Variants in SH3BP4 observed in about 807,000 individuals in gnomAD.
SH3BP4 encodes the protein SH3 domain-binding protein 4.
A neutral mutation model predicts 65.5 loss-of-function variants in SH3BP4; 33 were observed. The observed-to-expected ratio is 0.50, with a 90% CI of 0.38 to 0.67. The LOEUF (loss-of-function observed/expected upper bound fraction) is 0.67, where lower values mean the gene tolerates loss of function less well. SH3BP4 is among the 30% of genes least tolerant of loss of function. The probability of loss-of-function intolerance (pLI) is 0.00; values close to 1 mark genes in which losing one functional copy is unlikely to be tolerated. For synonymous variants in SH3BP4, 552 were observed against 545.5 expected (o/e 1.01, Z -0.17); for missense variants, 1,134 against 1,261.4 (o/e 0.90, Z 1.53).
chr2:235,019,008 A>G (rs1694769182), intron 2 of SH3BP4, among the ~76,000 whole-genome samples: 3 of 152,228 alleles, frequency 2.0e-5, no homozygotes, highest in Admixed American at 2.0e-4. Flanking sequence ...GTTCTGGAGC[A>G]GTGCTTGCCT....
At position 234,997,765 on chromosome 2, in the gene SH3BP4, C is replaced by T. The variant is rs911293098; in HGVS notation, c.-133+2389C>T. Among the ~76,000 whole-genome samples the T allele has an allele frequency of 4.6e-5, 7 of 152,178 alleles. No individual in the cohort carries two copies. The highest frequency in any genetic ancestry group is 7.3e-5 in the Non-Finnish European group (5 of 68,032). On this transcript the variant is annotated intron_variant, in intron 2 of 5. Coordinates refer to ENST00000392011, the MANE Select transcript of SH3BP4 (RefSeq NM_014521.3). The surrounding 1 kb of genome is among the most constrained non-coding windows in gnomAD (Gnocchi z 4.2). ...CCCTGCCTGTTTCACAGATGAGAAA[C>T]TCATCTCAGAGTACTCAGAAACCCA...
intron 4 of SH3BP4, among the ~76,000 whole-genome samples, chr2:235,048,177 T>C (rs1374830113): frequency 1.3e-5 from 2 of 152,012 alleles, no homozygotes; most frequent in Non-Finnish European, 2.9e-5. Flanking sequence ...TGGCTGTTAA[T>C]GTGGGAGAGG....
chr2:234,969,247 G>A (rs1027565845), intron 1 of SH3BP4, among the ~76,000 whole-genome samples: 1 of 152,198 alleles, frequency 6.6e-6, no homozygotes, highest in Non-Finnish European at 1.5e-5. Flanking sequence ...GCAGAATTTT[G>A]TGGGTGGTTT....
At chr2:235,020,751 A>G (rs1208734354) in intron 2 of SH3BP4, among the ~76,000 whole-genome samples, 6 of 152,158 alleles carry the variant, frequency 3.9e-5, no homozygotes, top group Non-Finnish European at 8.8e-5. Flanking sequence ...TCAACCCTAG[A>G]AGAAGTGCTT....
intron 1 of SH3BP4, among the ~76,000 whole-genome samples, chr2:234,988,235 AT>A (rs1320110084): frequency 1.3e-5 from 2 of 151,828 alleles, no homozygotes; most frequent in East Asian, 1.9e-4. Flanking sequence ...AATTTTTTGT[AT>A]TTTTAGTAGA....
chr2:235,038,227 A>G (rs1695450240), intron 3 of SH3BP4, among the ~76,000 whole-genome samples: 1 of 97,116 alleles, frequency 1.0e-5, no homozygotes, highest in African/African-American at 4.4e-5. Context: ...TATATAAAGG[A>G]TATATGTATT....
At chr2:234,956,264 C>T (rs758672274) in intron 1 of SH3BP4, among the ~76,000 whole-genome samples, 23 of 152,092 alleles carry the variant, frequency 1.5e-4, no homozygotes, top group Non-Finnish European at 3.2e-4. Flanking sequence ...TTTCCTTGTC[C>T]CGTGAAAAGA....
chr2:234,983,501 G>T (rs1693454772), intron 1 of SH3BP4, among the ~76,000 whole-genome samples: 1 of 152,224 alleles, frequency 6.6e-6, no homozygotes, highest in African/African-American at 2.4e-5. Flanking sequence ...TGGTGTGCTT[G>T]TGTTTTTGAT....
chr2:235,012,079 A>G (rs1255520531), intron 2 of SH3BP4, among the ~76,000 whole-genome samples: 1 of 152,226 alleles, frequency 6.6e-6, no homozygotes, highest in Non-Finnish European at 1.5e-5. Flanking sequence ...GTGTGGATGC[A>G]GGGAGCAGCT....
At chr2:235,016,742 T>G (rs1251443246) in intron 2 of SH3BP4, among the ~76,000 whole-genome samples, 1 of 152,176 alleles carries the variant, frequency 6.6e-6, no homozygotes, top group Non-Finnish European at 1.5e-5. Context: ...ATCTTCTGAC[T>G]TCATGATCCA....
At chr2:235,024,376 T>C (rs919372152) in intron 2 of SH3BP4, among the ~76,000 whole-genome samples, 39 of 152,318 alleles carry the variant, frequency 2.6e-4, no homozygotes, top group African/African-American at 9.1e-4. Flanking sequence ...GCAGATCCAC[T>C]GGGTGGGCTT....
rs886827246 is a variant in SH3BP4 at position 234,952,058 on chromosome 2, ACCG to A, written c.-303_-301del. On this transcript the variant is annotated 5_prime_UTR_variant, in exon 1 of 6. Transcript: ENST00000392011. The surrounding 1 kb of genome is among the most constrained non-coding windows in gnomAD (Gnocchi z 6.5). ...TCGGCGGTCCGGGCCCCTCGCCACT[ACCG>A]CCGCCGCCGCCGCCGTGAGTCCCGC... The A allele has an allele frequency of 6.3e-5, 9 of 142,402 alleles. No homozygotes were observed. The highest frequency in any genetic ancestry group is 2.1e-4 in the Admixed American group (3 of 14,522). The allele number at this position is 142,402 out of a possible 1,614,324, so 8.8% of individuals were successfully genotyped here.
chr2:235,011,086 T>C (rs111717399), intron 2 of SH3BP4, among the ~76,000 whole-genome samples: 47 of 37,572 alleles, frequency 1.3e-3, no homozygotes, highest in Middle Eastern at 0.033. Flanking sequence ...TCCTCCCTCT[T>C]CTAGAACCCT....
chr2:234,994,078 C>T (rs576297330), intron 1 of SH3BP4, among the ~76,000 whole-genome samples: 75 of 152,278 alleles, frequency 4.9e-4, no homozygotes, highest in African/African-American at 1.5e-3. Flanking sequence ...TCCGTGTCTA[C>T]GTAGAGATCA....
chr2:235,047,830 C>A (rs1049174251), intron 4 of SH3BP4, among the ~76,000 whole-genome samples: 2 of 151,918 alleles, frequency 1.3e-5, no homozygotes, highest in Non-Finnish European at 2.9e-5. Flanking sequence ...GGTCAAGTTG[C>A]GGGAGGTAGG....
intron 1 of SH3BP4, among the ~76,000 whole-genome samples, chr2:234,959,432 C>A (rs1307977683): frequency 6.6e-6 from 1 of 152,144 alleles, no homozygotes; most frequent in Admixed American, 6.5e-5. Flanking sequence ...TTCATACAGC[C>A]ATGTAGTGAC....
chr2:234,964,138 C>T (rs767902635), intron 1 of SH3BP4, among the ~76,000 whole-genome samples: 4 of 152,154 alleles, frequency 2.6e-5, no homozygotes, highest in Non-Finnish European at 5.9e-5. Context: ...TTTGGGGCTT[C>T]GTGAAACCCC....
chr2:235,007,701 CA>C (rs1234790880), intron 2 of SH3BP4, among the ~76,000 whole-genome samples: 2 of 152,118 alleles, frequency 1.3e-5, no homozygotes, highest in Non-Finnish European at 2.9e-5. Flanking sequence ...AAGAAGAGAC[CA>C]GGCGTGCAGT....
At chr2:235,012,223 C>A (rs1182143485) in intron 2 of SH3BP4, among the ~76,000 whole-genome samples, 2 of 152,130 alleles carry the variant, frequency 1.3e-5, no homozygotes, top group Non-Finnish European at 2.9e-5. Flanking sequence ...ATGGGAAGCG[C>A]CCTGACCTCG....
Sources: gnomAD v4.1 joint callset for allele counts (sites outside exome capture counted in the v4.1 genomes callset) on GRCh38, gnomAD v4.1.1 for gene constraint, Gnocchi (gnomAD v3.1) non-coding constraint, MANE v1.5 for transcripts, NCBI Gene and HGNC (gene_info 2026-07-23, HGNC 2026-07-21) for gene names.